Variants in PDK3 observed in about 807,000 individuals in gnomAD.
PDK3 encodes pyruvate dehydrogenase kinase, isozyme 3.
In PDK3, 12 loss-of-function variants were observed where a neutral mutation model predicts 32.0. That is an observed-to-expected ratio of 0.37 (90% CI 0.24 to 0.61). PDK3 has a LOEUF of 0.61. PDK3 is among the 20% of genes least tolerant of loss of function. The pLI is 0.65. For missense variants in PDK3, 188 were observed against 316.9 expected (o/e 0.59, Z 3.09); for synonymous variants, 122 against 116.3 (o/e 1.05, Z -0.31).
At chrX:24,540,054 A>ATCT (rs1922856380) in exon 12 of PDK3, among the ~76,000 whole-genome samples, 2 of 111,714 alleles carry the variant, frequency 1.8e-5, no homozygotes, top group Non-Finnish European at 3.8e-5. Flanking sequence ...ATAGACTATC[A>ATCT]GAGGGAAAAG....
intron 1 of PDK3, among the ~76,000 whole-genome samples, chrX:24,493,162 T>C (rs17265623): frequency 0.017 from 1,911 of 111,454 alleles, 52 homozygotes; most frequent in East Asian, 0.15. Context: ...ACAGTGAAAG[T>C]ATGAAGGAGA....
intron 1 of PDK3, among the ~76,000 whole-genome samples, chrX:24,476,454 C>A (rs1921115504): frequency 9.0e-6 from 1 of 111,618 alleles, no homozygotes; most frequent in Non-Finnish European, 1.9e-5. Context: ...ATACTCTAGG[C>A]CATTTTATGT....
chrX:24,541,554 AC>A (rs1422208484), exon 12 of PDK3, among the ~76,000 whole-genome samples: 2 of 112,228 alleles, frequency 1.8e-5, no homozygotes, highest in African/African-American at 6.5e-5. Context: ...TTTTTGGCTT[AC>A]TCACATCCAT....
At chrX:24,472,161 A>C (rs1920996967) in intron 1 of PDK3, among the ~76,000 whole-genome samples, 1 of 112,163 alleles carries the variant, frequency 8.9e-6, no homozygotes, top group Admixed American at 9.5e-5. Context: ...ATAAATAACT[A>C]GGCTTGAATT....
intron 1 of PDK3, among the ~76,000 whole-genome samples, chrX:24,481,925 A>C (rs1451657526): frequency 8.9e-6 from 1 of 112,206 alleles, no homozygotes; most frequent in Non-Finnish European, 1.9e-5. Context: ...AGAAGCCCCA[A>C]GTAAGGAAGA....
chrX:24,469,492 T>TA (rs1020518928), intron 1 of PDK3, among the ~76,000 whole-genome samples: 32 of 104,838 alleles, frequency 3.1e-4, no homozygotes, highest in East Asian at 1.4e-3. Context: ...TTGTGGAAAT[T>TA]AAAAAAAAAA....
At chrX:24,479,253 T>C (rs747555498) in intron 1 of PDK3, among the ~76,000 whole-genome samples, 41 of 112,552 alleles carry the variant, frequency 3.6e-4, no homozygotes, top group African/African-American at 1.3e-3. Flanking sequence ...TGTTCCTGCA[T>C]TGGTCATGTG....
chrX:24,491,542 G>A (rs772550191), intron 1 of PDK3, among the ~76,000 whole-genome samples: 1 of 110,754 alleles, frequency 9.0e-6, no homozygotes, highest in Non-Finnish European at 1.9e-5. Flanking sequence ...ATAAGATATC[G>A]AGGGTAGGGG....
At chrX:24,536,180 G>C (rs1317236027), downstream of PDK3, among the ~76,000 whole-genome samples, 2 of 111,471 alleles carry the variant, frequency 1.8e-5, no homozygotes, top group African/African-American at 3.3e-5. Flanking sequence ...GGTGATGGCT[G>C]TCTGATCCCT....
intron 5 of PDK3, among the ~76,000 whole-genome samples, chrX:24,513,044 T>A (rs1427126720): frequency 1.8e-5 from 2 of 112,095 alleles, no homozygotes; most frequent in Admixed American, 9.5e-5. Context: ...TAACTCAGCT[T>A]ATCTTTTTTT....
intron 1 of PDK3, among the ~76,000 whole-genome samples, chrX:24,467,115 T>A (rs1009885608): frequency 1.8e-5 from 2 of 112,009 alleles, no homozygotes. Context: ...GGTAAGGATG[T>A]TATGTGAGTA....
intron 1 of PDK3, among the ~76,000 whole-genome samples, chrX:24,485,253 T>C (rs1302427589): frequency 3.6e-5 from 4 of 111,572 alleles, no homozygotes; most frequent in African/African-American, 1.3e-4. Flanking sequence ...GAGGCTGAAA[T>C]AGGAGAATCT....
At chrX:24,489,678 CTGTCTCAAAAAA>C (rs1921498923) in intron 1 of PDK3, among the ~76,000 whole-genome samples, 2 of 53,965 alleles carry the variant, frequency 3.7e-5, no homozygotes, top group Non-Finnish European at 3.1e-5. Context: ...GAGTGGGACT[CTGTCTCAAAAAA>C]AAAAAAAAAA....
chrX:24,484,042 C>T (rs1442829421), intron 1 of PDK3, among the ~76,000 whole-genome samples: 1 of 105,687 alleles, frequency 9.5e-6, no homozygotes, highest in Non-Finnish European at 1.9e-5. Context: ...GGCAAAGTCT[C>T]ACTGTGTCGC....
At chrX:24,539,085 G>A, downstream of PDK3, 1 of 793,411 alleles carries the variant, frequency 1.3e-6, no homozygotes, top group Non-Finnish European at 1.9e-6. Flanking sequence ...AAACAGAGGA[G>A]GTTGTACTCA....
At chrX:24,472,893 G>A (rs767392482) in intron 1 of PDK3, among the ~76,000 whole-genome samples, 3 of 106,125 alleles carry the variant, frequency 2.8e-5, no homozygotes, top group East Asian at 3.0e-4. Flanking sequence ...CTCCATGTTG[G>A]TCAGGCTGGT....
chrX:24,479,405 C>A (rs1921193054), intron 1 of PDK3, among the ~76,000 whole-genome samples: 1 of 111,953 alleles, frequency 8.9e-6, no homozygotes, highest in Non-Finnish European at 1.9e-5. Context: ...ATATTCTCTA[C>A]CGTGTTATCT....
intron 3 of PDK3, among the ~76,000 whole-genome samples, chrX:24,501,270 T>C (rs1189022670): frequency 1.4e-5 from 1 of 73,419 alleles, no homozygotes; most frequent in Non-Finnish European, 2.8e-5. Flanking sequence ...GTCAACATTA[T>C]AGATCTACAC....
At chrX:24,466,860 GTTGCTA>G (rs1179952959) in intron 1 of PDK3, among the ~76,000 whole-genome samples, 1 of 112,089 alleles carries the variant, frequency 8.9e-6, no homozygotes, top group Non-Finnish European at 1.9e-5. Context: ...TTTAGAAAAT[GTTGCTA>G]TTGCTATAAA....
Sources: gnomAD v4.1 joint callset for allele counts (sites outside exome capture counted in the v4.1 genomes callset) on GRCh38, gnomAD v4.1.1 for gene constraint, MANE v1.5 for transcripts, NCBI Gene and HGNC (gene_info 2026-07-23, HGNC 2026-07-21) for gene names.